CNBD1: variants seen among roughly 807,000 people sequenced by gnomAD.
The protein encoded by CNBD1 is cyclic nucleotide binding domain containing 1, also known as cyclic nucleotide-binding domain-containing protein 1.
CNBD1 carries 71 observed loss-of-function variants against 54.4 expected under a neutral mutation model. The ratio of observed to expected loss-of-function variants is 1.30; its 90% CI spans 1.08 to 1.59. The LOEUF (loss-of-function observed/expected upper bound fraction) is 1.59. Among genes scored for constraint, CNBD1 ranks in the 40% most tolerant of loss-of-function variants. CNBD1 has a pLI of 0.00. For synonymous variants in CNBD1, 182 were observed against 170.7 expected (o/e 1.07, Z -0.51); for missense variants, 659 against 518.0 (o/e 1.27, Z -2.64).
At chr8:86,891,319 T>C (rs902977721) in intron 2 of CNBD1, among the ~76,000 whole-genome samples, 9 of 152,096 alleles carry the variant, frequency 5.9e-5, no homozygotes, top group African/African-American at 2.2e-4. Context: ...ATCCAGTTTT[T>C]TAAAGCACCA....
intron 8 of CNBD1, among the ~76,000 whole-genome samples, chr8:87,347,635 G>A (rs1197036577): frequency 2.0e-5 from 3 of 152,116 alleles, no homozygotes; most frequent in East Asian, 1.9e-4. Flanking sequence ...TGAGATTTGG[G>A]CAAAGATTTA....
chr8:87,032,136 A>G (rs777677746), intron 4 of CNBD1, among the ~76,000 whole-genome samples: 1 of 152,228 alleles, frequency 6.6e-6, no homozygotes, highest in African/African-American at 2.4e-5. Flanking sequence ...TAATGGCTGC[A>G]TACATTTAAT....
chr8:87,063,886 T>A (rs981697328), intron 4 of CNBD1, among the ~76,000 whole-genome samples: 6 of 152,056 alleles, frequency 3.9e-5, no homozygotes, highest in East Asian at 1.9e-4. Context: ...TATTTAAAAA[T>A]TTTTATTTTT....
At chr8:87,300,948 T>C (rs1260330551) in intron 8 of CNBD1, among the ~76,000 whole-genome samples, 1 of 152,032 alleles carries the variant, frequency 6.6e-6, no homozygotes, top group Non-Finnish European at 1.5e-5. Context: ...TGATAGACCA[T>C]TGGCATGATT....
intron 5 of CNBD1, among the ~76,000 whole-genome samples, chr8:87,219,682 C>T (rs763226351): frequency 3.3e-5 from 5 of 151,884 alleles, no homozygotes; most frequent in South Asian, 4.1e-4. Context: ...AACTGAAATT[C>T]GTAATTAAAT....
In CNBD1 at chr8:87,339,376, C is replaced by T. The variant is rs570176689; in HGVS notation, c.1043-12309C>T. On this transcript the variant is annotated intron_variant, in intron 8 of 10. Transcript: ENST00000518476. Reference sequence around the variant, plus strand: ...GTTACAATTCAGGTTTCCCTACGCTCGCGTCATTTCCCATGGAAATTTCAG... The same window carrying T: ...GTTACAATTCAGGTTTCCCTACGCTTGCGTCATTTCCCATGGAAATTTCAG... Among the ~76,000 whole-genome samples, 25 of 152,158 alleles carry T rather than the reference C, an allele frequency of 1.6e-4. No individual in the cohort carries two copies. The South Asian group carries it at 2.9e-3, about 18-fold the overall frequency.
chr8:87,334,719 C>CTTTTTTTTTTTTTTTTTTTTTTT, intron 8 of CNBD1, among the ~76,000 whole-genome samples: 1 of 126,158 alleles, frequency 7.9e-6, no homozygotes. Flanking sequence ...TTTCTTTTTT[C>CTTTTTTTTTTTTTTTTTTTTTTT]TTTTCTTTTT....
chr8:86,893,812 T>A (rs1808807620), intron 2 of CNBD1, among the ~76,000 whole-genome samples: 1 of 152,028 alleles, frequency 6.6e-6, no homozygotes, highest in Non-Finnish European at 1.5e-5. Flanking sequence ...TGTTACCTTT[T>A]CTCTTTATTT....
At chr8:86,999,020 A>T (rs916465790) in intron 4 of CNBD1, among the ~76,000 whole-genome samples, 1 of 152,228 alleles carries the variant, frequency 6.6e-6, no homozygotes, top group Non-Finnish European at 1.5e-5. Flanking sequence ...ACTTTGGTCA[A>T]TTGTAATCAC....
At position 87,237,040 on chromosome 8, in the gene CNBD1, C is replaced by G. The variant is rs2130825976; in HGVS notation, c.699C>G (p.His233Gln). 3 of 1,611,978 alleles carry G rather than the reference C, an allele frequency of 1.9e-6. 1 individual carries two copies. Among genetic ancestry groups the G allele is most frequent in the East Asian group, 2.2e-5 (1 of 44,814 alleles). Residue 233 changes from histidine (H) to glutamine (Q), a missense_variant, in exon 6 of 11, where the codon CAC becomes CAG. Physicochemically the swap from His to Gln is conservative, Grantham distance 24 (BLOSUM62 0). Transcript: ENST00000518476. ...SPDSFISQSF[H>Q]SFIWSEEFKN... ...ACTCGTTCATATCTCAGAGTTTCCA[C>G]AGCTTCATTTGGAGTGAAGAATTCA... is the stretch of plus-strand genomic sequence containing the variant.
chr8:87,104,385 G>A (rs535910283), intron 4 of CNBD1, among the ~76,000 whole-genome samples: 2 of 152,312 alleles, frequency 1.3e-5, no homozygotes, highest in East Asian at 3.9e-4. Flanking sequence ...AAAAGCAACA[G>A]GAAATGAGGA....
chr8:87,179,737 C>G (rs915823942), intron 4 of CNBD1, among the ~76,000 whole-genome samples: 1 of 152,122 alleles, frequency 6.6e-6, no homozygotes, highest in Non-Finnish European at 1.5e-5. Flanking sequence ...AGTTTATAAT[C>G]ATTCACTACA....
Position 86,939,676 on chromosome 8 carries a change from C to T in CNBD1, c.353C>T (p.Ala118Val), listed in dbSNP as rs772737111. The T allele has an allele frequency of 1.3e-5, 20 of 1,598,422 alleles. No individual in the cohort carries two copies. The highest frequency in any genetic ancestry group is 1.1e-4 in the South Asian group (10 of 89,540). ...SNNIAVHVQR[A>V]HGGHILYRPK... The stretch of plus-strand genomic sequence containing the variant: ...AATATAGCTGTCCATGTTCAGAGAG[C>T]ACATGGTGGCCATATTTTATATAGA... The change falls in exon 4 of 11, where the codon GCA becomes GTA. Residue 118 changes from alanine to valine, a missense_variant. Coordinates refer to ENST00000518476, the MANE Select transcript of CNBD1 (RefSeq NM_173538.3).
chr8:87,399,851 G>GTAACC (rs1377206736), intron 2 of CNBD1, among the ~76,000 whole-genome samples: 1 of 151,950 alleles, frequency 6.6e-6, no homozygotes, highest in African/African-American at 2.4e-5. Context: ...CTGAACTAGA[G>GTAACC]TAACCCAGAA....
chr8:87,330,786 C>A (rs1809809459), intron 8 of CNBD1, among the ~76,000 whole-genome samples: 1 of 152,036 alleles, frequency 6.6e-6, no homozygotes, highest in Admixed American at 6.6e-5. Context: ...TTATAGATGT[C>A]AATTTTACCA....
At chr8:87,112,251 T>A (rs55840119) in intron 4 of CNBD1, among the ~76,000 whole-genome samples, 1 of 152,168 alleles carries the variant, frequency 6.6e-6, no homozygotes, top group South Asian at 2.1e-4. Flanking sequence ...TCTCTAAGCA[T>A]CATTGCCAGG....
At chr8:87,373,643 G>T (rs146363644) in intron 10 of CNBD1, among the ~76,000 whole-genome samples, 1 of 151,856 alleles carries the variant, frequency 6.6e-6, no homozygotes, top group Admixed American at 6.6e-5. Flanking sequence ...GTCTGTAGAT[G>T]AAAGAAAATT....
chr8:86,966,323 G>A lies in CNBD1; in HGVS notation c.431+26569G>A, dbSNP rs182771298. Among the ~76,000 whole-genome samples, 58 of 152,288 alleles carry A rather than the reference G, an allele frequency of 3.8e-4. No individual in the cohort carries two copies. In the East Asian group the frequency reaches 0.011, roughly 29 times the overall value. ...CCAACTCCCACTCCAAGACTGGAGC[G>A]GGTGCTGGTGTGTCCGGAATTGGTT... On this transcript the variant is annotated intron_variant, in intron 4 of 10. Coordinates refer to ENST00000518476, the MANE Select transcript of CNBD1 (RefSeq NM_173538.3).
At chr8:87,342,223 A>G (rs1810079638) in intron 8 of CNBD1, among the ~76,000 whole-genome samples, 1 of 151,626 alleles carries the variant, frequency 6.6e-6, no homozygotes. Context: ...CAGTGAGCTG[A>G]GATTGTGCCA....
Sources: gnomAD v4.1 joint callset for allele counts (sites outside exome capture counted in the v4.1 genomes callset) on GRCh38, gnomAD v4.1.1 for gene constraint, MANE v1.5 for transcripts, NCBI Gene and HGNC (gene_info 2026-07-23, HGNC 2026-07-21) for gene names.